The following ADAMTS6 variants were observed in gnomAD, a reference collection of about 807,000 sequenced individuals.
The protein encoded by ADAMTS6 is A disintegrin and metalloproteinase with thrombospondin motifs 6.
Under a neutral mutation model 144.3 loss-of-function variants are expected in ADAMTS6, and 23 were observed. That is an observed-to-expected ratio of 0.16 (90% CI 0.11 to 0.23). The LOEUF (loss-of-function observed/expected upper bound fraction) is 0.23. Among genes scored for constraint, ADAMTS6 ranks in the 10% least tolerant of loss-of-function variants. The pLI is 1.00. For missense variants in ADAMTS6, 999 were observed against 1,379.6 expected (o/e 0.72, Z 4.37); for synonymous variants, 444 against 457.5 (o/e 0.97, Z 0.38).
chr5:65,350,840 G>T (rs931121639), intron 7 of ADAMTS6, among the ~76,000 whole-genome samples: 1 of 152,056 alleles, frequency 6.6e-6, no homozygotes, highest in Non-Finnish European at 1.5e-5. Flanking sequence ...GAGAGACAGG[G>T]TCTCACCATG....
At chr5:65,389,075 A>G (rs1024870365) in intron 7 of ADAMTS6, among the ~76,000 whole-genome samples, 4 of 152,184 alleles carry the variant, frequency 2.6e-5, no homozygotes, top group East Asian at 3.9e-4. Flanking sequence ...GTGGTGGCGG[A>G]CGCCTGTAGT....
intron 12 of ADAMTS6, among the ~76,000 whole-genome samples, chr5:65,264,769 C>CACAAA (rs1761478005): frequency 6.6e-6 from 1 of 152,046 alleles, no homozygotes; most frequent in African/African-American, 2.4e-5. Context: ...TTTGCATCAC[C>CACAAA]ACAAAACGTT....
At chr5:65,239,385 T>C (rs567253338) in intron 15 of ADAMTS6, among the ~76,000 whole-genome samples, 2 of 152,046 alleles carry the variant, frequency 1.3e-5, no homozygotes, top group African/African-American at 4.8e-5. Context: ...ATACTACAGA[T>C]ACAAATCATA....
At chr5:65,254,920 A>G (rs915858887) in intron 14 of ADAMTS6, among the ~76,000 whole-genome samples, 8 of 152,186 alleles carry the variant, frequency 5.3e-5, no homozygotes, top group African/African-American at 1.9e-4. Flanking sequence ...GATTACAATA[A>G]TATGTTTGGT....
chr5:65,180,217 T>C (rs527461531), intron 22 of ADAMTS6, among the ~76,000 whole-genome samples: 1 of 152,304 alleles, frequency 6.6e-6, no homozygotes, highest in East Asian at 1.9e-4. Flanking sequence ...ATTTTTCAGA[T>C]GAACATCAAT....
intron 14 of ADAMTS6, among the ~76,000 whole-genome samples, chr5:65,253,353 C>T (rs1238963641): frequency 6.6e-6 from 1 of 152,166 alleles, no homozygotes; most frequent in Admixed American, 6.5e-5. Context: ...AAAATTCTTC[C>T]AGGATCATTT....
intron 24 of ADAMTS6, among the ~76,000 whole-genome samples, chr5:65,169,589 A>G (rs1012823053): frequency 1.4e-5 from 2 of 146,622 alleles, no homozygotes; most frequent in Non-Finnish European, 3.0e-5. Context: ...ATGCACACGT[A>G]TGTTTATTGC....
chr5:65,210,539 G>A, intron 20 of ADAMTS6: 1 of 479,076 alleles, frequency 2.1e-6, no homozygotes, highest in South Asian at 2.4e-5. Flanking sequence ...GTTCAACCAG[G>A]TGTCTTTATC....
At chr5:65,457,745 C>CTTTTTTTTTTTTTTTTTTT (rs1180960588) in intron 4 of ADAMTS6, among the ~76,000 whole-genome samples, 1 of 97,438 alleles carries the variant, frequency 1.0e-5, no homozygotes, top group Non-Finnish European at 2.1e-5. Context: ...TTCTTTCTTT[C>CTTTTTTTTTTTTTTTTTTT]TTTTTTTTTT....
intron 20 of ADAMTS6, among the ~76,000 whole-genome samples, chr5:65,202,295 T>C (rs1755788963): frequency 1.3e-5 from 2 of 152,206 alleles, no homozygotes; most frequent in Admixed American, 1.3e-4. Flanking sequence ...CTAAAAATAT[T>C]GTATTTTTCT....
intron 1 of ADAMTS6, among the ~76,000 whole-genome samples, chr5:65,475,085 T>TA (rs1462724035): frequency 6.6e-6 from 1 of 152,102 alleles, no homozygotes; most frequent in Non-Finnish European, 1.5e-5. Flanking sequence ...AATTTTCACA[T>TA]AATAAATTCT....
At chr5:65,471,478 GA>G (rs1182586989) in intron 2 of ADAMTS6, among the ~76,000 whole-genome samples, 1 of 152,026 alleles carries the variant, frequency 6.6e-6, no homozygotes, top group Non-Finnish European at 1.5e-5. Context: ...ATATGTAAAA[GA>G]AAAGAGTTTA....
intron 4 of ADAMTS6, 116 bp from the exon 5 acceptor site, chr5:65,453,034 G>A: frequency 1.3e-6 from 1 of 777,668 alleles, no homozygotes; most frequent in South Asian, 2.9e-5. Context: ...TTTTCAAAGA[G>A]AAGAGAATGA....
intron 22 of ADAMTS6, among the ~76,000 whole-genome samples, chr5:65,178,801 C>A (rs1175158399): frequency 6.6e-6 from 1 of 152,156 alleles, no homozygotes; most frequent in Non-Finnish European, 1.5e-5. Flanking sequence ...GCCAGATTAA[C>A]CAAGTACCAA....
At chr5:65,279,342 A>T (rs1372679432) in intron 11 of ADAMTS6, among the ~76,000 whole-genome samples, 1 of 151,982 alleles carries the variant, frequency 6.6e-6, no homozygotes, top group East Asian at 1.9e-4. Flanking sequence ...TGTGAGACAT[A>T]GTCTCGTTCT....
At chr5:65,230,287 CATATAT>C (rs70983664) in intron 15 of ADAMTS6, among the ~76,000 whole-genome samples, 4,930 of 64,732 alleles carry the variant, frequency 0.076, 581 homozygotes, top group African/African-American at 0.14. Flanking sequence ...ATACCTAAAG[CATATAT>C]ATATATATAT....
At chr5:65,319,530 AAT>A (rs1491231297) in intron 9 of ADAMTS6, among the ~76,000 whole-genome samples, 1 of 149,662 alleles carries the variant, frequency 6.7e-6, no homozygotes, top group African/African-American at 2.5e-5. Context: ...AAAAAAAAAA[AAT>A]TTATATATAT....
chr5:65,352,759 T>C (rs941101346), intron 7 of ADAMTS6, among the ~76,000 whole-genome samples: 7 of 152,128 alleles, frequency 4.6e-5, no homozygotes, highest in African/African-American at 9.7e-5. Context: ...AGTTCTCTTA[T>C]CTTGATTTCT....
At chr5:65,273,272 G>T in intron 12 of ADAMTS6, 68 bp downstream of exon 12, 1 of 1,325,794 alleles carries the variant, frequency 7.5e-7, no homozygotes, top group Admixed American at 1.7e-5. Context: ...CCTGGTGGTT[G>T]AATATCAGTA....
Sources: allele counts gnomAD v4.1 joint callset (sites outside exome capture counted in the v4.1 genomes callset), GRCh38; gene constraint gnomAD v4.1.1; transcripts MANE v1.5; gene names NCBI Gene and HGNC (gene_info 2026-07-23, HGNC 2026-07-21).